The following CEP128 variants were observed in gnomAD, a reference collection of about 807,000 sequenced individuals.
CEP128 encodes the protein centrosomal protein 128, also known as centrosomal protein 128kDa.
A neutral mutation model predicts 156.7 loss-of-function variants in CEP128; 132 were observed. The ratio of observed to expected loss-of-function variants is 0.84; its 90% CI spans 0.73 to 0.97. The LOEUF is 0.97. Ranked by LOEUF, CEP128 falls within the 50% of genes least tolerant of loss-of-function variation. The pLI, the probability that CEP128 is intolerant of heterozygous loss-of-function variation, is 0.00. For synonymous variants in CEP128, 469 were observed against 448.9 expected (o/e 1.04, Z -0.57); for missense variants, 1,252 against 1,281.9 (o/e 0.98, Z 0.36).
chr14:80,895,648 C>A, intron 8 of CEP128, 70 bp downstream of exon 8: 1 of 1,105,450 alleles, frequency 9.0e-7, no homozygotes. Flanking sequence ...CTAAACTTCA[C>A]TGTGATTATG....
At chr14:80,650,552 G>A (rs184840590) in intron 19 of CEP128, among the ~76,000 whole-genome samples, 139 of 152,240 alleles carry the variant, frequency 9.1e-4, no homozygotes, top group African/African-American at 3.2e-3. Context: ...TTGGCTGCGG[G>A]TGTGTCATAA....
chr14:80,625,274 TTTCCGG>T (rs1398973384), intron 19 of CEP128, among the ~76,000 whole-genome samples: 7 of 152,188 alleles, frequency 4.6e-5, no homozygotes, highest in Non-Finnish European at 8.8e-5. Flanking sequence ...TGTGAATTCA[TTTCCGG>T]TTCTCTATTC....
At position 80,671,911 on chromosome 14, in the gene CEP128, G is replaced by T. The variant is rs538205669; in HGVS notation, c.2806+71164C>A. ...TGGGGAACGTAGAGGGGACAGGTGG[G>T]GTAGAATTTTATGTCTTCAAAATTA... On this transcript the variant is annotated intron_variant, in intron 19 of 24. Coordinates refer to ENST00000555265, the MANE Select transcript of CEP128 (RefSeq NM_152446.5). Among the ~76,000 whole-genome samples the T allele has an allele frequency of 7.2e-5, 11 of 151,892 alleles. No homozygotes were observed. The South Asian group carries it at 8.3e-4, about 11-fold the overall frequency.
At chr14:80,620,511 T>C (rs1893434388) in intron 19 of CEP128, among the ~76,000 whole-genome samples, 1 of 152,168 alleles carries the variant, frequency 6.6e-6, no homozygotes, top group South Asian at 2.1e-4. Flanking sequence ...GACAATTGAT[T>C]TGTAAAGGAA....
intron 8 of CEP128, among the ~76,000 whole-genome samples, chr14:80,870,729 C>T (rs1438414207): frequency 6.6e-6 from 1 of 151,698 alleles, no homozygotes; most frequent in African/African-American, 2.4e-5. Flanking sequence ...CAACGTAGTA[C>T]TGAAGGTCCT....
At chr14:80,815,473 G>A (rs1368603296) in intron 13 of CEP128, among the ~76,000 whole-genome samples, 1 of 152,150 alleles carries the variant, frequency 6.6e-6, no homozygotes, top group African/African-American at 2.4e-5. Context: ...TGATGGAAAT[G>A]TAAATTAGTA....
intron 10 of CEP128, among the ~76,000 whole-genome samples, chr14:80,838,833 A>G (rs1417433293): frequency 6.6e-6 from 1 of 152,198 alleles, no homozygotes; most frequent in African/African-American, 2.4e-5. Context: ...GACATTTAAA[A>G]TTTCCTTAAT....
chr14:80,824,225 C>G (rs546280265), intron 13 of CEP128, among the ~76,000 whole-genome samples: 1 of 152,206 alleles, frequency 6.6e-6, no homozygotes, highest in South Asian at 2.1e-4. Context: ...GATCATGAAA[C>G]CACTTTTTCC....
chr14:80,695,965 T>C lies in CEP128; in HGVS notation c.2806+47110A>G, dbSNP rs1814188083. On this transcript the variant is annotated intron_variant, in intron 19 of 24. Transcript: ENST00000555265. ...ATGAATTAAACTCAAACAAACACTC[T>C]GGCTTCATAGAGAACAGACTGGGTG... 2.0e-5 allele frequency among the ~76,000 whole-genome samples: 3 copies of C among 152,154 alleles called. No individual in the cohort carries two copies. In the South Asian group the frequency reaches 6.2e-4, roughly 32 times the overall value.
intron 19 of CEP128, among the ~76,000 whole-genome samples, chr14:80,626,470 CAAAAA>C (rs60238276): frequency 3.6e-4 from 29 of 80,684 alleles, no homozygotes; most frequent in Admixed American, 8.2e-4. Flanking sequence ...GACTCCGTCT[CAAAAA>C]AAAAAAAAAA....
chr14:80,482,657 C>T (rs1438792181), intron 14 of CEP128, among the ~76,000 whole-genome samples: 1 of 152,176 alleles, frequency 6.6e-6, no homozygotes, highest in East Asian at 1.9e-4. Flanking sequence ...ACTGCATCAC[C>T]AGACATATCA....
Position 80,838,248 on chromosome 14 carries a change from A to G in CEP128, c.880T>C (p.Leu294=), listed in dbSNP as rs774415159. ...LEQELELSRR[L]LNQSEGSRET... is the part of the protein sequence containing the mutation. The stretch of plus-strand genomic sequence containing the variant: ...CGGCTGCCTTCTGATTGATTCAATA[A>G]CCTTCGAGATAGCTCCAATTCCTGT... The change falls in exon 11 of 25, where the codon TTA becomes CTA. Residue 294 remains leucine (L), a synonymous_variant. Coordinates refer to ENST00000555265, the MANE Select transcript of CEP128 (RefSeq NM_152446.5). 5.6e-6 allele frequency: 9 copies of G among 1,613,542 alleles called. No homozygotes were observed. In the African/African-American group the frequency reaches 9.3e-5, roughly 17 times the overall value.
rs527313523 is a variant in CEP128 at position 80,851,290 on chromosome 14, T to C, written c.763-10522A>G. Among the ~76,000 whole-genome samples, 18 of 152,164 alleles carry C rather than the reference T, an allele frequency of 1.2e-4. No individual in the cohort carries two copies. In the South Asian group the frequency reaches 1.7e-3, roughly 14 times the overall value. On this transcript the variant is annotated intron_variant, in intron 9 of 24. Coordinates refer to ENST00000555265, the MANE Select transcript of CEP128 (RefSeq NM_152446.5). ...ATAAGCAAACAAACAATAATTATAG[T>C]TTGTGTTAAATGCTATTTTTAAAAA... is the stretch of plus-strand genomic sequence containing the variant.
rs989845640 is a variant in CEP128, at chr14:80,691,206, C to T, written c.2806+51869G>A. On this transcript the variant is annotated intron_variant, in intron 19 of 24. Transcript: ENST00000555265. ...TGTTCCTGGCCTTTCCAATACATTA[C>T]AAATAACTTTATTTTCTTTTTCTAA... Among the ~76,000 whole-genome samples the T allele has an allele frequency of 1.2e-4, 18 of 152,214 alleles. No homozygotes were observed. In the East Asian group the frequency reaches 3.3e-3, roughly 28 times the overall value.
At chr14:80,708,880 C>T (rs2139399727) in intron 19 of CEP128, among the ~76,000 whole-genome samples, 1 of 152,028 alleles carries the variant, frequency 6.6e-6, no homozygotes, top group East Asian at 1.9e-4. Context: ...CCAGTTGTTA[C>T]AGCACATTTA....
rs532709177 is a variant in CEP128, at chr14:80,512,786, CA to C, written c.3073-7767del. Among the ~76,000 whole-genome samples the C allele has an allele frequency of 8.4e-3, 1,278 of 151,894 alleles. 3 individuals carry two copies. The highest frequency in any genetic ancestry group is 0.014 in the Non-Finnish European group (931 of 67,874). ...ATCATGAGGTTTGCAAATAACATAA[CA>C]TGTTATTTTAAACTAATGATAACAC... On this transcript the variant is annotated intron_variant, in intron 23 of 24. Transcript: ENST00000555265.
intron 14 of CEP128, among the ~76,000 whole-genome samples, chr14:80,786,056 T>C (rs894214723): frequency 6.6e-6 from 1 of 152,086 alleles, no homozygotes; most frequent in Admixed American, 6.5e-5. Flanking sequence ...TTTTAAAATA[T>C]CAATGGTGAC....
chr14:80,955,423 C>T (rs1445518948), intron 2 of CEP128: 3 of 561,674 alleles, frequency 5.3e-6, no homozygotes, highest in Non-Finnish European at 9.6e-6. Flanking sequence ...ACGGAGCGGA[C>T]TGCGTGGGTC....
intron 15 of CEP128, among the ~76,000 whole-genome samples, chr14:80,779,353 C>T (rs1900975493): frequency 6.6e-6 from 1 of 152,140 alleles, no homozygotes; most frequent in African/African-American, 2.4e-5. Flanking sequence ...TACCTGAGAG[C>T]TGATGCCACA....
Sources: gnomAD v4.1 joint callset for allele counts (sites outside exome capture counted in the v4.1 genomes callset) on GRCh38, gnomAD v4.1.1 for gene constraint, MANE v1.5 for transcripts, NCBI Gene and HGNC (gene_info 2026-07-23, HGNC 2026-07-21) for gene names.